Variants in TMEM117 observed in about 807,000 individuals in gnomAD.
The protein encoded by TMEM117 is transmembrane protein 117.
Under a neutral mutation model 52.4 loss-of-function variants are expected in TMEM117, and 27 were observed. That is an observed-to-expected ratio of 0.51 (90% CI 0.38 to 0.71). TMEM117 has a LOEUF of 0.71. TMEM117 is among the 30% of genes least tolerant of loss of function. The pLI, the probability that TMEM117 is intolerant of heterozygous loss-of-function variation, is 0.00. For synonymous variants in TMEM117, 215 were observed against 206.3 expected (o/e 1.04, Z -0.36); for missense variants, 556 against 630.5 (o/e 0.88, Z 1.26).
In TMEM117 at chr12:44,012,424, C is replaced by T. The variant is rs192153416; in HGVS notation, c.410+68082C>T. On this transcript the variant is annotated intron_variant, in intron 3 of 7. Transcript: ENST00000266534. ...TTTTTTTTTTCTGTTGCTTCTTTTT[C>T]TGATATTCCCATTACACAGTTATAC... Among the ~76,000 whole-genome samples the T allele has an allele frequency of 1.4e-3, 204 of 144,188 alleles. 1 individual carries two copies. The Middle Eastern group carries it at 0.028, about 20-fold the overall frequency. 94.6% of individuals were successfully genotyped at this position (144,188 alleles called of 152,430 possible).
chr12:43,796,130 G>A, the TMEM117 span, among the ~76,000 whole-genome samples: 2 of 152,262 alleles, frequency 1.3e-5, no homozygotes, highest in African/African-American at 2.4e-5. Flanking sequence ...ACCATGGCCC[G>A]AAGGCCAAAT....
rs373660202 is a variant in TMEM117, at chr12:44,008,969, C to T, written c.410+64627C>T. 1.2e-3 allele frequency: 432 copies of T among 369,894 alleles called. 12 individuals carry two copies. The highest frequency in any genetic ancestry group is 8.5e-3 in the South Asian group (359 of 42,060). 22.9% of individuals were successfully genotyped at this position (369,894 alleles called of 1,614,324 possible). A position where few individuals can be genotyped will look rare whatever the true frequency, so the allele number is the denominator to read the frequency against. On this transcript the variant is annotated intron_variant, in intron 3 of 7. Coordinates refer to ENST00000266534, the MANE Select transcript of TMEM117 (RefSeq NM_032256.3). The stretch of plus-strand genomic sequence containing the variant: ...TCTAAACCTTGTGTCACATTGGTGA[C>T]GCTTATAGGTCTTCTGTTTAGTGTG...
chr12:44,252,505 A>G (rs1350868569), intron 5 of TMEM117, among the ~76,000 whole-genome samples: 3 of 152,122 alleles, frequency 2.0e-5, no homozygotes, highest in African/African-American at 4.8e-5. Context: ...CTCTGTCTCA[A>G]AAACAAACAA....
rs996471189 is a variant in TMEM117, at chr12:43,907,437, G to A, written c.278-36773G>A. Among the ~76,000 whole-genome samples, 11 of 151,466 alleles carry A rather than the reference G, an allele frequency of 7.3e-5. 1 individual carries two copies. The highest frequency in any genetic ancestry group is 1.5e-4 in the African/African-American group (6 of 41,316). On this transcript the variant is annotated intron_variant, in intron 2 of 7. Coordinates refer to ENST00000266534, the MANE Select transcript of TMEM117 (RefSeq NM_032256.3). ...AACTGGAAACTCTAAAAAGCGGAGC[G>A]CCTCTCCTCCTCCAAAGGAACGCAG...
chr12:44,009,293 C>A (rs1946251825), intron 3 of TMEM117: 1 of 271,026 alleles, frequency 3.7e-6, no homozygotes, highest in South Asian at 4.0e-5. Flanking sequence ...ACAGGATGAT[C>A]ATTTCCAGTG....
intron 4 of TMEM117, among the ~76,000 whole-genome samples, chr12:44,204,421 A>G (rs1949537235): frequency 6.6e-6 from 1 of 152,212 alleles, no homozygotes; most frequent in African/African-American, 2.4e-5. Context: ...ATCAGAGATG[A>G]CACAAATGAA....
At chr12:44,164,680 A>AT (rs1172030471) in intron 4 of TMEM117, among the ~76,000 whole-genome samples, 1 of 152,210 alleles carries the variant, frequency 6.6e-6, no homozygotes, top group Non-Finnish European at 1.5e-5. Context: ...GGATTTCTGA[A>AT]TTATGGGGCT....
At chr12:44,236,034 G>C (rs886951344) in intron 5 of TMEM117, among the ~76,000 whole-genome samples, 1 of 151,390 alleles carries the variant, frequency 6.6e-6, no homozygotes, top group Non-Finnish European at 1.5e-5. Context: ...CTCTGTTTTT[G>C]GTCTTTCTCT....
chr12:44,050,399 A>G (rs1055707589), intron 3 of TMEM117, among the ~76,000 whole-genome samples: 16 of 151,998 alleles, frequency 1.1e-4, no homozygotes, highest in African/African-American at 3.6e-4. Context: ...CTGGTCTCGA[A>G]CGCCTGACCT....
Position 44,131,377 on chromosome 12 carries a change from T to A in TMEM117, c.411-12148T>A, listed in dbSNP as rs1189934397. 2.0e-5 allele frequency among the ~76,000 whole-genome samples: 3 copies of A among 152,116 alleles called. No individual in the cohort carries two copies. The South Asian group carries it at 6.2e-4, about 32-fold the overall frequency. On this transcript the variant is annotated intron_variant, in intron 3 of 7. Transcript: ENST00000266534. ...CCTATGTATAATTTAGTCATTTTAATTTTTTTGAGACTTGTTTATGGCCCT... is the reference window on the plus strand; with the variant it reads ...CCTATGTATAATTTAGTCATTTTAAATTTTTTGAGACTTGTTTATGGCCCT...
At chr12:44,134,352 A>G (rs116620704) in intron 3 of TMEM117, among the ~76,000 whole-genome samples, 2,959 of 152,108 alleles carry the variant, frequency 0.019, 54 homozygotes, top group African/African-American at 0.049. Flanking sequence ...AAGTAGCTTG[A>G]TCTACAGGTA....
At chr12:44,102,613 G>A (rs529306500) in intron 3 of TMEM117, among the ~76,000 whole-genome samples, 10 of 151,490 alleles carry the variant, frequency 6.6e-5, no homozygotes, top group East Asian at 5.8e-4. Context: ...CCTATCCTCC[G>A]AGCCCTAAAA....
At chr12:44,334,762 C>T (rs1285304047) in intron 6 of TMEM117, among the ~76,000 whole-genome samples, 2 of 151,978 alleles carry the variant, frequency 1.3e-5, no homozygotes, top group Non-Finnish European at 2.9e-5. Context: ...GTGGCCACCA[C>T]ACTCCTCAAC....
At chr12:43,989,412 A>G (rs1002865724) in intron 3 of TMEM117, among the ~76,000 whole-genome samples, 62 of 152,070 alleles carry the variant, frequency 4.1e-4, no homozygotes, top group Admixed American at 4.1e-3. Flanking sequence ...TGGTTTCATA[A>G]ATATAAGACC....
rs562738249 is a variant in TMEM117 at position 43,877,805 on chromosome 12, A to T, written c.277+32877A>T. Among the ~76,000 whole-genome samples the T allele has an allele frequency of 1.6e-4, 25 of 151,818 alleles. No individual in the cohort carries two copies. The South Asian group carries it at 4.6e-3, about 28-fold the overall frequency. On this transcript the variant is annotated intron_variant, in intron 2 of 7. Transcript: ENST00000266534. ...TGTAGCCCTTGGTTTAGATCTGTTA[A>T]CTCATGGTAATGCCCATGATACTAA...
At chr12:44,216,759 G>T (rs1312381404) in intron 5 of TMEM117, among the ~76,000 whole-genome samples, 1 of 152,176 alleles carries the variant, frequency 6.6e-6, no homozygotes, top group African/African-American at 2.4e-5. Context: ...ATAGTGTGTT[G>T]CTGTGTGTAT....
At chr12:43,963,039 A>G (rs1019657235) in intron 3 of TMEM117, among the ~76,000 whole-genome samples, 9 of 151,924 alleles carry the variant, frequency 5.9e-5, no homozygotes, top group Admixed American at 6.6e-5. Context: ...CACATATAAG[A>G]TGCTTATATT....
chr12:43,819,544 G>A, the TMEM117 span, among the ~76,000 whole-genome samples: 1 of 152,168 alleles, frequency 6.6e-6, no homozygotes. Flanking sequence ...GGAGGTTGAG[G>A]CAGGCGGATC....
At chr12:43,846,251 A>C (rs115100276) in intron 2 of TMEM117, among the ~76,000 whole-genome samples, 2,310 of 152,338 alleles carry the variant, frequency 0.015, 65 homozygotes, top group African/African-American at 0.051. Context: ...GGATGTTAGG[A>C]TATTTCAGAG....
Sources: gnomAD v4.1 joint callset for allele counts (sites outside exome capture counted in the v4.1 genomes callset) on GRCh38, gnomAD v4.1.1 for gene constraint, MANE v1.5 for transcripts, NCBI Gene and HGNC (gene_info 2026-07-23, HGNC 2026-07-21) for gene names.